RYR3: variants seen among roughly 807,000 people sequenced by gnomAD.
The protein encoded by RYR3 is brain ryanodine receptor-calcium release channel.
RYR3 carries 207 observed loss-of-function variants against 584.3 expected under a neutral mutation model. That is an observed-to-expected ratio of 0.35 (90% CI 0.32 to 0.40). The LOEUF (loss-of-function observed/expected upper bound fraction) is 0.40. RYR3 is among the 10% of genes least tolerant of loss of function. RYR3 has a pLI of 1.00. For missense variants in RYR3, 5,616 were observed against 6,089.2 expected, an observed-to-expected ratio of 0.92 and a Z score of 2.59; for synonymous variants, 2,416 against 2,248.5, an observed-to-expected ratio of 1.07 and a Z score of -2.11.
chr15:33,644,236 C>A, intron 27 of RYR3, 75 bp from the exon 28 acceptor site: 1 of 1,180,320 alleles, frequency 8.5e-7, no homozygotes. Flanking sequence ...CTTAAGGAAG[C>A]AAAGATTCAG....
intron 1 of RYR3, among the ~76,000 whole-genome samples, chr15:33,320,985 G>A (rs745781079): frequency 3.9e-5 from 6 of 152,158 alleles, no homozygotes; most frequent in Non-Finnish European, 7.4e-5. Context: ...ATGGAAATGA[G>A]CCTGCAATGT....
At chr15:33,670,071 T>C (rs1485074347) in intron 37 of RYR3, among the ~76,000 whole-genome samples, 1 of 152,168 alleles carries the variant, frequency 6.6e-6, no homozygotes. Flanking sequence ...TGTTAACTTC[T>C]TCTACAGATT....
chr15:33,785,522 G>A (rs1029513636), intron 65 of RYR3, 140 bp from the exon 66 acceptor site: 37 of 666,642 alleles, frequency 5.6e-5, no homozygotes, highest in Non-Finnish European at 8.9e-5. Flanking sequence ...GAGGACAAAA[G>A]CCACTCCACA....
intron 93 of RYR3, among the ~76,000 whole-genome samples, chr15:33,845,764 A>G (rs2078686273): frequency 6.6e-6 from 1 of 152,170 alleles, no homozygotes; most frequent in Admixed American, 6.5e-5. Context: ...ATTTTTATAA[A>G]AATACCTTTT....
intron 50 of RYR3, among the ~76,000 whole-genome samples, chr15:33,738,878 G>A (rs557960080): frequency 6.6e-6 from 1 of 152,340 alleles, no homozygotes; most frequent in African/African-American, 2.4e-5. Context: ...TCTGATGTCA[G>A]TCTTTGATGT....
intron 1 of RYR3, among the ~76,000 whole-genome samples, chr15:33,383,889 A>C (rs1381997041): frequency 6.6e-6 from 1 of 152,226 alleles, no homozygotes; most frequent in Non-Finnish European, 1.5e-5. Context: ...GACTGGATAA[A>C]GAAAATTGGG....
In RYR3 at chr15:33,548,125, C is replaced by T; in HGVS notation, c.741-5C>T. 4 of 1,610,294 alleles carry T rather than the reference C, an allele frequency of 2.5e-6. No homozygotes were observed. The highest frequency in any genetic ancestry group is 3.4e-6 in the Non-Finnish European group (4 of 1,177,816). ...GTAGGAGCTGATCTCCAACTCTGCT[C>T]ACAGGAGGATATTCTACGAAGCTGG... is the stretch of plus-strand genomic sequence containing the variant. On this transcript the variant is annotated splice_region_variant and splice_polypyrimidine_tract_variant and intron_variant, in intron 8 of 103. Coordinates refer to ENST00000634891, the MANE Select transcript of RYR3 (RefSeq NM_001036.6).
intron 69 of RYR3, among the ~76,000 whole-genome samples, chr15:33,805,469 CTT>C (rs61113827): frequency 0.2 from 27,007 of 138,196 alleles, 3,007 homozygotes; most frequent in African/African-American, 0.33. Context: ...TTTTCTCTCT[CTT>C]TTTTTTTTTT....
At chr15:33,326,633 G>A (rs1412629743) in intron 1 of RYR3, among the ~76,000 whole-genome samples, 2 of 152,138 alleles carry the variant, frequency 1.3e-5, no homozygotes, top group African/African-American at 2.4e-5. Context: ...TGATCGTAAA[G>A]CAATACTCAG....
At chr15:33,677,833 A>G (rs990004431) in intron 38 of RYR3, among the ~76,000 whole-genome samples, 2 of 152,226 alleles carry the variant, frequency 1.3e-5, no homozygotes, top group Admixed American at 6.5e-5. Flanking sequence ...GAGCCTATCT[A>G]GACACAGCCT....
At chr15:33,652,650 C>A in intron 31 of RYR3, 68 bp from the exon 32 acceptor site, 1 of 1,498,660 alleles carries the variant, frequency 6.7e-7, no homozygotes, top group South Asian at 1.3e-5. Context: ...TTTTTCATTT[C>A]ATTCCTGAGT....
chr15:33,577,944 G>A (rs964441922), intron 12 of RYR3, among the ~76,000 whole-genome samples: 5 of 152,098 alleles, frequency 3.3e-5, no homozygotes, highest in Admixed American at 1.3e-4. Context: ...TAAAAAGTGA[G>A]CAAAGGATAT....
chr15:33,483,189 T>C (rs1002851631), intron 2 of RYR3, among the ~76,000 whole-genome samples: 5 of 152,062 alleles, frequency 3.3e-5, no homozygotes, highest in Admixed American at 6.5e-5. Context: ...CCCCTTCCAT[T>C]ATCTCTCTCT....
intron 9 of RYR3, among the ~76,000 whole-genome samples, 159 bp downstream of exon 9, chr15:33,548,363 AAC>A (rs373944873): frequency 3.3e-5 from 5 of 151,978 alleles, no homozygotes; most frequent in South Asian, 2.1e-4. Flanking sequence ...GTTTTTAAAG[AAC>A]ACACACACAC....
intron 1 of RYR3, among the ~76,000 whole-genome samples, chr15:33,325,256 C>T (rs1394429697): frequency 1.3e-5 from 2 of 152,142 alleles, no homozygotes; most frequent in Admixed American, 1.3e-4. Context: ...CTCTATAGGA[C>T]CCCTTTACTC....
In RYR3 at chr15:33,662,289, T is replaced by A. The variant is rs374841951; in HGVS notation, c.4759T>A (p.Ser1587Thr). 168 of 1,611,118 alleles carry A rather than the reference T, an allele frequency of 1.0e-4. No individual in the cohort carries two copies. The highest frequency in any genetic ancestry group is 1.6e-4 in the Middle Eastern group (1 of 6,082). The change falls in exon 35 of 104, where the codon TCC becomes ACC. Residue 1587 changes from serine (S) to threonine (T), a missense_variant. Coordinates refer to ENST00000634891, the MANE Select transcript of RYR3 (RefSeq NM_001036.6). ...CGCCCTGTGCAGCCACGTGGACCTC[T>A]CCCAGCTCTTCTATGCCATTGACAA... ...AYALCSHVDL[S>T]QLFYAIDNKY...
At chr15:33,506,269 C>G (rs2052477787) in intron 3 of RYR3, among the ~76,000 whole-genome samples, 1 of 152,134 alleles carries the variant, frequency 6.6e-6, no homozygotes, top group African/African-American at 2.4e-5. Context: ...CATGTTATAG[C>G]AGAAGTTTGT....
intron 1 of RYR3, among the ~76,000 whole-genome samples, chr15:33,330,977 G>T (rs750881451): frequency 6.6e-6 from 1 of 152,126 alleles, no homozygotes. Flanking sequence ...TAAATGCAGA[G>T]GATCTCCCCC....
chr15:33,473,382 C>T (rs766169945), intron 1 of RYR3, 37 bp from the exon 2 acceptor site: 2 of 1,612,920 alleles, frequency 1.2e-6, no homozygotes, highest in South Asian at 2.2e-5. Context: ...CTCAGCAGTT[C>T]CCCTTACTCA....
Sources: allele counts gnomAD v4.1 joint callset (sites outside exome capture counted in the v4.1 genomes callset), GRCh38; gene constraint gnomAD v4.1.1; transcripts MANE v1.5; gene names NCBI Gene and HGNC (gene_info 2026-07-23, HGNC 2026-07-21).